The following CNKSR2 variants were observed in gnomAD, a reference collection of about 807,000 sequenced individuals.
CNKSR2 encodes connector enhancer of kinase suppressor of Ras 2, also known as CNK homolog protein 2.
In CNKSR2, 14 loss-of-function variants were observed where a neutral mutation model predicts 84.4. That is an observed-to-expected ratio of 0.17 (90% CI 0.11 to 0.26). CNKSR2 has a LOEUF of 0.26. Ranked by LOEUF, CNKSR2 falls within the 10% of genes least tolerant of loss-of-function variation. The pLI is 1.00. For synonymous variants in CNKSR2, 275 were observed against 277.9 expected, an observed-to-expected ratio of 0.99 and a Z score of 0.10; for missense variants, 485 against 771.2, an observed-to-expected ratio of 0.63 and a Z score of 4.40.
At chrX:21,509,106 C>T (rs1442704788) in intron 8 of CNKSR2, among the ~76,000 whole-genome samples, 1 of 112,011 alleles carries the variant, frequency 8.9e-6, no homozygotes, top group Non-Finnish European at 1.9e-5. Context: ...TATTTATACA[C>T]ACACATTATA....
At position 21,469,455 on chromosome X, in the gene CNKSR2, G is replaced by A. The variant is rs2091169174; in HGVS notation, c.520-1311G>A. ...AAGTTGCATTATCAAAAATTGTGTT[G>A]AACAACATTCCTTTTTTGTTAAAAT... On this transcript the variant is annotated intron_variant, in intron 4 of 21. Coordinates refer to ENST00000379510, the MANE Select transcript of CNKSR2 (RefSeq NM_014927.5). 2.7e-5 allele frequency among the ~76,000 whole-genome samples: 3 copies of A among 111,072 alleles called. No homozygotes were observed. In the South Asian group the frequency reaches 1.1e-3, roughly 42 times the overall value.
chrX:21,518,669 G>C (rs753087594), intron 9 of CNKSR2, among the ~76,000 whole-genome samples: 16 of 111,609 alleles, frequency 1.4e-4, no homozygotes, highest in Admixed American at 1.3e-3. Flanking sequence ...ATTACGTCAT[G>C]TCATTCCTTA....
At chrX:21,449,940 T>C (rs1292081192) in intron 4 of CNKSR2, among the ~76,000 whole-genome samples, 1 of 112,264 alleles carries the variant, frequency 8.9e-6, no homozygotes, top group Non-Finnish European at 1.9e-5. Context: ...GAAATCATAA[T>C]ACAGTCTGCC....
chrX:21,399,876 CTT>C (rs993898812), intron 1 of CNKSR2, among the ~76,000 whole-genome samples: 1 of 111,564 alleles, frequency 9.0e-6, no homozygotes, highest in African/African-American at 3.3e-5. Context: ...ATAATAACCT[CTT>C]TGAGTTATTC....
intron 5 of CNKSR2, among the ~76,000 whole-genome samples, chrX:21,473,903 C>T (rs1400351075): frequency 6.5e-5 from 7 of 106,925 alleles, no homozygotes; most frequent in Non-Finnish European, 9.6e-5. Flanking sequence ...CCCACCACCA[C>T]GCCCGGCTAA....
chrX:21,377,901 A>G (rs193034648), intron 1 of CNKSR2, among the ~76,000 whole-genome samples: 4 of 111,738 alleles, frequency 3.6e-5, no homozygotes, highest in Admixed American at 2.8e-4. Context: ...TTTTGATGCA[A>G]TGTATAAATG....
intron 1 of CNKSR2, among the ~76,000 whole-genome samples, chrX:21,415,871 C>CAT (rs1208187718): frequency 1.4e-3 from 78 of 54,657 alleles, no homozygotes; most frequent in Non-Finnish European, 2.4e-3. Flanking sequence ...CACACACACA[C>CAT]ATATATATAT....
intron 8 of CNKSR2, among the ~76,000 whole-genome samples, chrX:21,512,418 T>C (rs986520192): frequency 8.9e-6 from 1 of 111,883 alleles, no homozygotes; most frequent in Non-Finnish European, 1.9e-5. Context: ...AGAAAAGTAA[T>C]CTGAGAAAAA....
chrX:21,547,365 A>T (rs755797672), intron 11 of CNKSR2, among the ~76,000 whole-genome samples: 288 of 111,982 alleles, frequency 2.6e-3, no homozygotes, highest in African/African-American at 9.2e-3. Flanking sequence ...GATCAATGCA[A>T]CAAGAAGAGC....
At chrX:21,479,012 G>A (rs944665905) in intron 5 of CNKSR2, among the ~76,000 whole-genome samples, 1 of 111,447 alleles carries the variant, frequency 9.0e-6, no homozygotes, top group Non-Finnish European at 1.9e-5. Context: ...TCACCTGAAT[G>A]GCGTACATTG....
At chrX:21,603,539 G>C (rs2092496608) in intron 18 of CNKSR2, among the ~76,000 whole-genome samples, 1 of 112,578 alleles carries the variant, frequency 8.9e-6, no homozygotes, top group Non-Finnish European at 1.9e-5. Context: ...GTATAGCTTA[G>C]AAGTGACTCT....
In CNKSR2 at chrX:21,653,144, A is replaced by G. The variant is rs1417534050; in HGVS notation, c.*623A>G. On this transcript the variant is annotated 3_prime_UTR_variant, in exon 22 of 22. Transcript: ENST00000379510. ...TGAAAGCTAAGTTAATGGAAATATT[A>G]TTCCAAATCTATGAGAACACTTGGT... is the stretch of plus-strand genomic sequence containing the variant. The G allele has an allele frequency of 8.9e-6, 1 of 111,865 alleles. No homozygotes were observed. The highest frequency in any genetic ancestry group is 1.9e-5 in the Non-Finnish European group (1 of 53,098). 9.2% of individuals were successfully genotyped at this position (111,865 alleles called of 1,213,427 possible).
At chrX:21,629,787 C>T (rs1209369462) in intron 20 of CNKSR2, among the ~76,000 whole-genome samples, 1 of 111,871 alleles carries the variant, frequency 8.9e-6, no homozygotes, top group Non-Finnish European at 1.9e-5. Context: ...GAGGGAAACA[C>T]CCATTGATAG....
chrX:21,529,405 A>G (rs147648830), intron 10 of CNKSR2, among the ~76,000 whole-genome samples: 1,265 of 111,132 alleles, frequency 0.011, 21 homozygotes, highest in African/African-American at 0.038. Context: ...TTCTTTTTCT[A>G]TGATAAAAAT....
At chrX:21,625,671 C>A (rs760736860) in intron 20 of CNKSR2, among the ~76,000 whole-genome samples, 62 of 111,748 alleles carry the variant, frequency 5.5e-4, no homozygotes, top group East Asian at 2.8e-3. Context: ...TCATATAAGG[C>A]CAAAATCATT....
At chrX:21,420,348 C>G (rs964947787) in intron 1 of CNKSR2, among the ~76,000 whole-genome samples, 1 of 112,664 alleles carries the variant, frequency 8.9e-6, no homozygotes, top group Non-Finnish European at 1.9e-5. Flanking sequence ...ATCCAAGAGC[C>G]AAGTCCTAGA....
At chrX:21,586,498 GGATGAGTGCA>G (rs1298566222) in intron 13 of CNKSR2, among the ~76,000 whole-genome samples, 1 of 111,013 alleles carries the variant, frequency 9.0e-6, no homozygotes, top group East Asian at 2.8e-4. Context: ...TAGTTAAGAG[GGATGAGTGCA>G]AAAAGAAACA....
intron 4 of CNKSR2, among the ~76,000 whole-genome samples, chrX:21,444,557 G>A (rs1158466351): frequency 1.8e-5 from 2 of 110,489 alleles, no homozygotes; most frequent in African/African-American, 6.6e-5. Flanking sequence ...CTGTTGTGAA[G>A]ATTAGAAACT....
At chrX:21,423,499 A>G (rs1187479535) in intron 1 of CNKSR2, 1 of 112,101 alleles carries the variant, frequency 8.9e-6, no homozygotes, top group African/African-American at 3.2e-5. Context: ...GTAAATGAGA[A>G]CAGTCCCAGA....
Sources: allele counts gnomAD v4.1 joint callset (sites outside exome capture counted in the v4.1 genomes callset), GRCh38; gene constraint gnomAD v4.1.1; transcripts MANE v1.5; gene names NCBI Gene and HGNC (gene_info 2026-07-23, HGNC 2026-07-21).